Variants in IST1 observed in about 807,000 individuals in gnomAD.
IST1 encodes IST1 homolog.
Under a neutral mutation model 37.0 loss-of-function variants are expected in IST1, and 23 were observed. That is an observed-to-expected ratio of 0.62 (90% CI 0.45 to 0.88). IST1 has a LOEUF of 0.88. Among genes scored for constraint, IST1 ranks in the 40% least tolerant of loss-of-function variants. IST1 has a pLI of 0.00. For missense variants in IST1, 488 were observed against 445.4 expected (o/e 1.10, Z -0.86); for synonymous variants, 180 against 161.7 (o/e 1.11, Z -0.86).
chr16:71,928,123 TG>T lies in IST1; in HGVS notation c.*315del. On this transcript the variant is annotated 3_prime_UTR_variant, in exon 10 of 10. Coordinates refer to ENST00000378799, the MANE Select transcript of IST1 (RefSeq NM_001270975.2). The stretch of plus-strand genomic sequence containing the variant: ...GTCCCTCCACAGGAGTGTGAGAGGA[TG>T]GGGGAAGCACTGTGGGAAGACCACC... The T allele has an allele frequency of 5.5e-6, 2 of 366,688 alleles. No homozygotes were observed. Among genetic ancestry groups the T allele is most frequent in the South Asian group, 4.9e-5 (2 of 41,174 alleles). 22.7% of individuals were successfully genotyped at this position (366,688 alleles called of 1,614,324 possible).
At chr16:71,910,218 C>T (rs1389298159) in intron 1 of IST1, among the ~76,000 whole-genome samples, 2 of 152,098 alleles carry the variant, frequency 1.3e-5, no homozygotes, top group Non-Finnish European at 2.9e-5. Context: ...CTGCTCATCC[C>T]ACCTGGGATG....
At chr16:71,907,425 C>A (rs2037249965) in intron 1 of IST1, among the ~76,000 whole-genome samples, 1 of 151,632 alleles carries the variant, frequency 6.6e-6, no homozygotes, top group South Asian at 2.1e-4. Context: ...CTATAGGCAC[C>A]CGCCACCACG....
rs1483933288 is a variant in IST1, at chr16:71,924,822, G to A, written c.901+5G>A. Reference sequence around the variant, plus strand: ...TCTCTTCTGCACAGATTGTTGGTGAGTAGTATCAATCAGAAACCTGCAGAG... The same window carrying A: ...TCTCTTCTGCACAGATTGTTGGTGAATAGTATCAATCAGAAACCTGCAGAG... On this transcript the variant is annotated splice_donor_5th_base_variant and intron_variant, in intron 9 of 9. Coordinates refer to ENST00000378799, the MANE Select transcript of IST1 (RefSeq NM_001270975.2). 2.5e-6 allele frequency: 4 copies of A among 1,596,354 alleles called. No homozygotes were observed.
Position 71,923,323 on chromosome 16 carries a change from G to C in IST1, c.795G>C (p.Gln265His). 5.0e-6 allele frequency: 8 copies of C among 1,612,636 alleles called. No homozygotes were observed. The highest frequency in any genetic ancestry group is 6.8e-6 in the Non-Finnish European group (8 of 1,178,874). ...DFNGLPMGTY[Q>H]AFPNIHPPQI... Reference sequence around the variant, plus strand: ...ATGGACTGCCAATGGGGACTTATCAGGCCTTTCCCAATATTCATCCACCTC... The same window carrying C: ...ATGGACTGCCAATGGGGACTTATCACGCCTTTCCCAATATTCATCCACCTC... The change falls in exon 8 of 10, where the codon CAG (glutamine) becomes CAC (histidine). Residue 265 changes from glutamine (Q) to histidine (H), a missense_variant. Gln to His is a conservative substitution (Grantham distance 24). Transcript: ENST00000378799.
At chr16:71,908,366 C>T (rs1159975437) in intron 1 of IST1, among the ~76,000 whole-genome samples, 1 of 127,964 alleles carries the variant, frequency 7.8e-6, no homozygotes, top group South Asian at 2.7e-4. Flanking sequence ...ATGGCACGAT[C>T]TCGGCTCACT....
chr16:71,921,167 A>G, intron 5 of IST1, 176 bp from the exon 6 acceptor site: 2 of 606,174 alleles, frequency 3.3e-6, no homozygotes, highest in Non-Finnish European at 2.9e-6. Flanking sequence ...AATGTGAAAG[A>G]GAGACTTGGG....
chr16:71,927,216 T>A (rs2037765079), intron 9 of IST1, among the ~76,000 whole-genome samples: 1 of 152,162 alleles, frequency 6.6e-6, no homozygotes, highest in African/African-American at 2.4e-5. Flanking sequence ...TAACTTTTTT[T>A]TAGCCAGATG....
intron 9 of IST1, among the ~76,000 whole-genome samples, chr16:71,926,597 C>T (rs1162029509): frequency 9.2e-5 from 14 of 152,026 alleles, no homozygotes; most frequent in Non-Finnish European, 2.1e-4. Context: ...CTGCCCACAT[C>T]GGCCTCCCAA....
At chr16:71,918,292 C>T (rs889363372) in intron 4 of IST1, among the ~76,000 whole-genome samples, 11 of 120,428 alleles carry the variant, frequency 9.1e-5, no homozygotes, top group African/African-American at 1.9e-4. Context: ...TGTGTAGACT[C>T]GAGTCGCTTT....
chr16:71,905,617 C>T (rs2037206651), intron 1 of IST1, among the ~76,000 whole-genome samples: 1 of 152,022 alleles, frequency 6.6e-6, no homozygotes, highest in Admixed American at 6.6e-5. Flanking sequence ...TGACCTCAGG[C>T]GATCCACCTG....
At chr16:71,909,390 C>T (rs1204369018) in intron 1 of IST1, among the ~76,000 whole-genome samples, 1 of 152,258 alleles carries the variant, frequency 6.6e-6, no homozygotes, top group East Asian at 1.9e-4. Flanking sequence ...TAGGCATGGA[C>T]CACCGTACTT....
chr16:71,917,143 A>AAGT lies in IST1; in HGVS notation c.357+13_357+15dup. 6.5e-7 allele frequency: 1 copy of AAGT among 1,550,252 alleles called. No individual in the cohort carries two copies. Among genetic ancestry groups the AAGT allele is most frequent in the Non-Finnish European group, 8.9e-7 (1 of 1,125,722 alleles). ...TGGCTGAGTTGAAAATAGTGAGTAC[A>AAGT]AGTAGTTTCAGTGATGTCTGTAGCT... On this transcript the variant is annotated intron_variant, in intron 4 of 9. Coordinates refer to ENST00000378799, the MANE Select transcript of IST1 (RefSeq NM_001270975.2).
chr16:71,923,041 T>C (rs2037645708), intron 7 of IST1: 1 of 467,736 alleles, frequency 2.1e-6, no homozygotes. Context: ...TAAGAAAGTC[T>C]CGTTAGAGTT....
At chr16:71,920,663 A>T in intron 4 of IST1, 76 bp from the exon 5 acceptor site, 1 of 1,006,758 alleles carries the variant, frequency 9.9e-7, no homozygotes, top group Non-Finnish European at 1.6e-6. Context: ...ACGCGTGTTT[A>T]CTGTTGCCAG....
In IST1 at chr16:71,922,700, G is replaced by GATGTGTGTGC; in HGVS notation, c.759+24_759+25insGTGTGCATGT. On this transcript the variant is annotated intron_variant, in intron 7 of 9. Coordinates refer to ENST00000378799, the MANE Select transcript of IST1 (RefSeq NM_001270975.2). Reference sequence around the variant, plus strand: ...GGACCAGTAAGTATATATAAGTGTGGATGTAAGCTTTAGAAAATGTTATAG... The same window carrying GATGTGTGTGC: ...GGACCAGTAAGTATATATAAGTGTGGATGTGTGTGCATGTAAGCTTTAGAAAATGTTATAG... 6.4e-7 allele frequency: 1 copy of GATGTGTGTGC among 1,570,174 alleles called. No individual in the cohort carries two copies.
chr16:71,906,197 G>T (rs2037219996), intron 1 of IST1, among the ~76,000 whole-genome samples: 2 of 151,620 alleles, frequency 1.3e-5, no homozygotes, highest in Admixed American at 6.6e-5. Context: ...TAGAGACGGG[G>T]TTTCGCTGTG....
At chr16:71,917,227 T>C (rs1484803589) in intron 4 of IST1, 93 bp downstream of exon 4, 2 of 721,068 alleles carry the variant, frequency 2.8e-6, no homozygotes, top group African/African-American at 3.6e-5. Context: ...TGACCAGATA[T>C]TTTGTACCAT....
intron 9 of IST1, 24 bp from the exon 10 acceptor site, chr16:71,927,590 C>A: frequency 1.3e-6 from 2 of 1,544,938 alleles, no homozygotes; most frequent in Non-Finnish European, 1.8e-6. Context: ...GTATTTGTAA[C>A]GTTGTGCTCC....
At chr16:71,904,878 T>C (rs1205255510) in intron 1 of IST1, among the ~76,000 whole-genome samples, 3 of 152,230 alleles carry the variant, frequency 2.0e-5, no homozygotes, top group Non-Finnish European at 4.4e-5. Context: ...CCATTTTCAT[T>C]TAATTATGTA....
Sources: gnomAD v4.1 joint callset for allele counts (sites outside exome capture counted in the v4.1 genomes callset) on GRCh38, gnomAD v4.1.1 for gene constraint, MANE v1.5 for transcripts, NCBI Gene and HGNC (gene_info 2026-07-23, HGNC 2026-07-21) for gene names.